SLC5A10: variants seen among roughly 807,000 people sequenced by gnomAD.
SLC5A10 encodes sodium/mannose cotransporter SLC5A10.
Under a neutral mutation model 68.9 loss-of-function variants are expected in SLC5A10, and 55 were observed. The observed-to-expected ratio is 0.80, with a 90% CI of 0.64 to 1.00. SLC5A10 has a LOEUF of 1.00. Among genes scored for constraint, SLC5A10 ranks in the 50% least tolerant of loss-of-function variants. The probability of loss-of-function intolerance (pLI) is 0.00; values close to 1 mark genes in which losing one functional copy is unlikely to be tolerated. For synonymous variants in SLC5A10, 344 were observed against 344.8 expected, an observed-to-expected ratio of 1.00 and a Z score of 0.02; for missense variants, 732 against 819.3, an observed-to-expected ratio of 0.89 and a Z score of 1.30.
rs1161958876 is a variant in SLC5A10 at position 19,021,903 on chromosome 17, C to T, written c.*1472C>T. 2 of 1,436,524 alleles carry T rather than the reference C, an allele frequency of 1.4e-6. No individual in the cohort carries two copies. Among genetic ancestry groups the T allele is most frequent in the Non-Finnish European group, 1.8e-6 (2 of 1,093,650 alleles). The allele number at this position is 1,436,524 out of a possible 1,614,324, so 89.0% of individuals were successfully genotyped here. A position where few individuals can be genotyped will look rare whatever the true frequency, so the allele number is the denominator to read the frequency against. Reference sequence around the variant, plus strand: ...ACAGAGCTGGGGGTGTCCATGTCCTCTCTGGACCTCAGTTCCTGTAAAAAG... The same window carrying T: ...ACAGAGCTGGGGGTGTCCATGTCCTTTCTGGACCTCAGTTCCTGTAAAAAG... On this transcript the variant is annotated 3_prime_UTR_variant, in exon 15 of 15. Coordinates refer to ENST00000395645, the MANE Select transcript of SLC5A10 (RefSeq NM_001042450.4). The surrounding 1 kb of genome is among the most constrained non-coding windows in gnomAD (Gnocchi z 4.1).
chr17:19,013,363 T>C lies in SLC5A10; in HGVS notation c.983-47T>C, dbSNP rs773925468. ...CCAGCCCTATCTTGCCCACCCCAGG[T>C]GCTCATGTCTATGAGGAGAGACACC... is the stretch of plus-strand genomic sequence containing the variant. On this transcript the variant is annotated intron_variant, in intron 9 of 14. Transcript: ENST00000395645. 3 of 1,600,386 alleles carry C rather than the reference T, an allele frequency of 1.9e-6. No homozygotes were observed. The South Asian group carries it at 3.4e-5, about 18-fold the overall frequency.
At chr17:19,016,192 C>T (rs994034940) in intron 11 of SLC5A10, among the ~76,000 whole-genome samples, 5 of 151,970 alleles carry the variant, frequency 3.3e-5, no homozygotes, top group Non-Finnish European at 4.4e-5. Context: ...ATTGCAGGAG[C>T]GCACCACCAC....
chr17:18,980,762 C>A (rs542182320), intron 9 of SLC5A10, among the ~76,000 whole-genome samples: 79 of 152,268 alleles, frequency 5.2e-4, no homozygotes, highest in African/African-American at 1.8e-3. Flanking sequence ...GGACCTGGGG[C>A]TCATCTGGCC....
chr17:19,003,907 G>C lies in SLC5A10; in HGVS notation c.983-9503G>C, dbSNP rs1445834173. The stretch of plus-strand genomic sequence containing the variant: ...TCTCCCGCTTGAGCACCTCGTAGAA[G>C]GCGTCCCGGCCGCGGGCCACCAGGG... On this transcript the variant is annotated intron_variant, in intron 9 of 14. Transcript: ENST00000395645. This position sits in a 1 kb window ranked among gnomAD's most constrained non-coding sequence, Gnocchi z 4.5. 6.2e-7 allele frequency: 1 copy of C among 1,612,996 alleles called. No homozygotes were observed. The highest frequency in any genetic ancestry group is 8.5e-7 in the Non-Finnish European group (1 of 1,179,944).
chr17:19,001,045 C>G (rs1260648218), intron 9 of SLC5A10, among the ~76,000 whole-genome samples: 1 of 152,204 alleles, frequency 6.6e-6, no homozygotes, highest in Non-Finnish European at 1.5e-5. Flanking sequence ...GGTCCCCACC[C>G]CTCTACCCGA....
At chr17:18,956,722 T>G (rs978538840) in intron 1 of SLC5A10, among the ~76,000 whole-genome samples, 16 of 152,070 alleles carry the variant, frequency 1.1e-4, no homozygotes, top group African/African-American at 3.9e-4. Flanking sequence ...GTAACCCTCC[T>G]TCCTTGGCCT....
Position 19,003,391 on chromosome 17 carries a change from C to G in SLC5A10, c.983-10019C>G, listed in dbSNP as rs1211320452. The G allele has an allele frequency of 9.7e-7, 1 of 1,025,900 alleles. No individual in the cohort carries two copies. The highest frequency in any genetic ancestry group is 1.3e-6 in the Non-Finnish European group (1 of 767,558). 63.5% of individuals were successfully genotyped at this position (1,025,900 alleles called of 1,614,324 possible). On this transcript the variant is annotated intron_variant, in intron 9 of 14. Transcript: ENST00000395645. This position sits in a 1 kb window ranked among gnomAD's most constrained non-coding sequence, Gnocchi z 4.5. ...GAGGAAACCTCCACCCAAGAGGCAGCCAGGGAAAACAGCAGAGATCCCTAG... is the reference window on the plus strand; with the variant it reads ...GAGGAAACCTCCACCCAAGAGGCAGGCAGGGAAAACAGCAGAGATCCCTAG...
chr17:19,017,727 G>A lies in SLC5A10; in HGVS notation c.1242-1696G>A, dbSNP rs997039767. Reference sequence around the variant, plus strand: ...GGGCCCACAGCCTCCTGGAAACCCTGTGCAGGACTCGGAGAGATCTCAGAC... The same window carrying A: ...GGGCCCACAGCCTCCTGGAAACCCTATGCAGGACTCGGAGAGATCTCAGAC... On this transcript the variant is annotated intron_variant, in intron 11 of 14. Transcript: ENST00000395645. This position sits in a 1 kb window ranked among gnomAD's most constrained non-coding sequence, Gnocchi z 5.6. 1 of 280,630 alleles carries A rather than the reference G, an allele frequency of 3.6e-6. No homozygotes were observed. Among genetic ancestry groups the A allele is most frequent in the Non-Finnish European group, 6.9e-6 (1 of 145,274 alleles). The allele number at this position is 280,630 out of a possible 1,614,324, so 17.4% of individuals were successfully genotyped here. A position where few individuals can be genotyped will look rare whatever the true frequency, so the allele number is the denominator to read the frequency against.
chr17:18,956,465 G>GTTT lies in SLC5A10; in HGVS notation c.112-2197_112-2195dup, dbSNP rs750867503. Among the ~76,000 whole-genome samples, 263 of 97,988 alleles carry GTTT rather than the reference G, an allele frequency of 2.7e-3. 8 individuals carry two copies. Among genetic ancestry groups the GTTT allele is most frequent in the African/African-American group, 6.2e-3 (162 of 26,126 alleles). 64.3% of individuals were successfully genotyped at this position (97,988 alleles called of 152,430 possible). A position where few individuals can be genotyped will look rare whatever the true frequency, so the allele number is the denominator to read the frequency against. On this transcript the variant is annotated intron_variant, in intron 1 of 14. Coordinates refer to ENST00000395645, the MANE Select transcript of SLC5A10 (RefSeq NM_001042450.4). ...CTTCTGTTTTTTCTTTTTTCTTTCT[G>GTTT]TTTTTTTTTTTTTTTTTTTTTTCTG...
chr17:18,981,243 G>C (rs570871999), intron 9 of SLC5A10, among the ~76,000 whole-genome samples: 99 of 152,270 alleles, frequency 6.5e-4, no homozygotes, highest in African/African-American at 2.3e-3. Flanking sequence ...TAGGTCACAG[G>C]GGGAGGTGGG....
In SLC5A10 at chr17:18,971,167, G is replaced by C; in HGVS notation, c.795G>C (p.Gly265=). Residue 265 remains glycine, a synonymous_variant, in exon 8 of 15, where the codon GGG becomes GGC. Transcript: ENST00000395645. This position sits in a 1 kb window ranked among gnomAD's most constrained non-coding sequence, Gnocchi z 5.5. ...ACACAGGGGACCTGCCGTGGACCGG[G>C]ATGACCTTTGGCCTGACCATCATGG... ...DPHTGDLPWT[G]MTFGLTIMAT... The C allele has an allele frequency of 5.0e-6, 8 of 1,614,098 alleles. No individual in the cohort carries two copies. The highest frequency in any genetic ancestry group is 6.8e-6 in the Non-Finnish European group (8 of 1,180,040).
chr17:19,011,000 C>T (rs888164853), intron 9 of SLC5A10, among the ~76,000 whole-genome samples: 1 of 152,224 alleles, frequency 6.6e-6, no homozygotes, highest in Non-Finnish European at 1.5e-5. Context: ...TCCCTCCTCC[C>T]CACCATGCAG....
intron 9 of SLC5A10, among the ~76,000 whole-genome samples, chr17:19,012,085 C>T (rs1276165557): frequency 1.3e-5 from 2 of 152,212 alleles, no homozygotes; most frequent in Non-Finnish European, 2.9e-5. Context: ...TTCTGGTTAG[C>T]TCTGCACTCT....
chr17:18,959,203 G>A lies in SLC5A10; in HGVS notation c.252G>A (p.Ala84=), dbSNP rs779038083. Residue 84 remains alanine (A), a synonymous_variant, in exon 3 of 15, where the codon GCG becomes GCA. Coordinates refer to ENST00000395645, the MANE Select transcript of SLC5A10 (RefSeq NM_001042450.4). ...TCATTGGACTGGCGGGCTCAGGCGCGGCAGGAGGTCTGGCCGTGGCAGGCT... is the reference window on the plus strand; with the variant it reads ...TCATTGGACTGGCGGGCTCAGGCGCAGCAGGAGGTCTGGCCGTGGCAGGCT... ...GLFIGLAGSG[A]AGGLAVAGFE... 1.5e-5 allele frequency: 25 copies of A among 1,613,332 alleles called. No homozygotes were observed. The highest frequency in any genetic ancestry group is 5.0e-5 in the Admixed American group (3 of 60,010).
At chr17:19,007,088 A>G (rs1013028846) in intron 9 of SLC5A10, among the ~76,000 whole-genome samples, 2 of 152,186 alleles carry the variant, frequency 1.3e-5, no homozygotes, top group African/African-American at 4.8e-5. Flanking sequence ...ATGTTCAAAC[A>G]CTGCCAAACT....
intron 9 of SLC5A10, among the ~76,000 whole-genome samples, chr17:19,011,464 T>G (rs1342692421): frequency 6.6e-6 from 1 of 152,104 alleles, no homozygotes; most frequent in African/African-American, 2.4e-5. Context: ...GTCAAGGGCC[T>G]CGAATGCCAT....
chr17:19,019,366 G>C lies in SLC5A10; in HGVS notation c.1242-57G>C, dbSNP rs533590623. 13 of 1,564,766 alleles carry C rather than the reference G, an allele frequency of 8.3e-6. No homozygotes were observed. In the African/African-American group the frequency reaches 1.6e-4, roughly 19 times the overall value. On this transcript the variant is annotated intron_variant, in intron 11 of 14. Transcript: ENST00000395645. ...CAAGTCTTAGTGACCAGGGGAGGTG[G>C]GAGAGAGCTGAAGAGCCTCCCACGA...
At chr17:18,978,858 A>G (rs754612470) in intron 9 of SLC5A10, 22 of 1,610,454 alleles carry the variant, frequency 1.4e-5, no homozygotes, top group Non-Finnish European at 1.9e-5. Flanking sequence ...AAGCTGCAAC[A>G]GAGGGAGGGG....
chr17:18,959,533 T>C, intron 3 of SLC5A10, 71 bp from the exon 4 acceptor site: 3 of 1,531,980 alleles, frequency 2.0e-6, no homozygotes, highest in Non-Finnish European at 2.7e-6. Context: ...ATCCCAGCCA[T>C]GTCTGCTTTG....
Sources: gnomAD v4.1 joint callset for allele counts (sites outside exome capture counted in the v4.1 genomes callset) on GRCh38, gnomAD v4.1.1 for gene constraint, Gnocchi (gnomAD v3.1) non-coding constraint, MANE v1.5 for transcripts, NCBI Gene and HGNC (gene_info 2026-07-23, HGNC 2026-07-21) for gene names.